PRKCH: variants seen among roughly 807,000 people sequenced by gnomAD.
PRKCH encodes the protein protein kinase C eta.
In PRKCH, 28 loss-of-function variants were observed where a neutral mutation model predicts 82.5. The ratio of observed to expected loss-of-function variants is 0.34; its 90% CI spans 0.25 to 0.47. The LOEUF is 0.47. Ranked by LOEUF, PRKCH falls within the 20% of genes least tolerant of loss-of-function variation. The probability of loss-of-function intolerance (pLI) is 1.00; values close to 1 mark genes in which losing one functional copy is unlikely to be tolerated. For synonymous variants in PRKCH, 322 were observed against 327.4 expected (o/e 0.98, Z 0.18); for missense variants, 705 against 881.8 (o/e 0.80, Z 2.54).
intron 10 of PRKCH, among the ~76,000 whole-genome samples, chr14:61,490,463 A>G (rs967253518): frequency 1.3e-5 from 2 of 152,240 alleles, no homozygotes; most frequent in African/African-American, 4.8e-5. Context: ...GATCACCAAC[A>G]TCATCTAGCT....
At chr14:61,239,544 T>C (rs1215966110) in intron 1 of PRKCH, among the ~76,000 whole-genome samples, 2 of 152,230 alleles carry the variant, frequency 1.3e-5, no homozygotes, top group Admixed American at 6.5e-5. Flanking sequence ...GCCAGCTCTC[T>C]TCCTGCTTCT....
chr14:61,280,739 G>A lies in PRKCH; in HGVS notation c.-19+93071G>A. On this transcript the variant is annotated intron_variant, in intron 1 of 3. Coordinates refer to the PRKCH transcript ENST00000555185. This position sits in a 1 kb window ranked among gnomAD's most constrained non-coding sequence, Gnocchi z 5.0. ...TTGACAGGGTGGCGCAGCGCGCTGG[G>A]GAGTCCGCTCAGCTGCGCGTCGTCG... The A allele has an allele frequency of 1.3e-6, 2 of 1,573,456 alleles. No homozygotes were observed. Among genetic ancestry groups the A allele is most frequent in the Middle Eastern group, 1.7e-4 (1 of 5,980 alleles).
chr14:61,195,938 T>G (rs2044438940), intron 1 of PRKCH, among the ~76,000 whole-genome samples: 1 of 152,154 alleles, frequency 6.6e-6, no homozygotes, highest in Non-Finnish European at 1.5e-5. Flanking sequence ...ATATAAATTT[T>G]GGGGGGCATG....
intron 9 of PRKCH, among the ~76,000 whole-genome samples, chr14:61,481,402 A>G (rs1045994432): frequency 6.6e-6 from 1 of 152,192 alleles, no homozygotes; most frequent in Non-Finnish European, 1.5e-5. Context: ...CAGAAAGGCC[A>G]TTATGGGACA....
At position 61,550,239 on chromosome 14, in the gene PRKCH, A is replaced by C. The variant is rs1346023052; in HGVS notation, c.*408A>C. On this transcript the variant is annotated 3_prime_UTR_variant, in exon 14 of 14. Coordinates refer to ENST00000332981, the MANE Select transcript of PRKCH (RefSeq NM_006255.5). ...TGCTGTGCTCTTCTTTAAGCCAATG[A>C]ACCCCAATTCCTGGCAGTCTACAAG... 1 of 158,612 alleles carries C rather than the reference A, an allele frequency of 6.3e-6. No homozygotes were observed. The highest frequency in any genetic ancestry group is 1.4e-5 in the Non-Finnish European group (1 of 72,460). The allele number at this position is 158,612 out of a possible 1,614,324, so 9.8% of individuals were successfully genotyped here. A position where few individuals can be genotyped will look rare whatever the true frequency, so the allele number is the denominator to read the frequency against.
Position 61,280,010 on chromosome 14 carries a change from G to T in PRKCH, c.-19+92342G>T. The T allele has an allele frequency of 2.4e-6, 3 of 1,228,550 alleles. No individual in the cohort carries two copies. Among genetic ancestry groups the T allele is most frequent in the South Asian group, 1.6e-5 (1 of 63,842 alleles). 76.1% of individuals were successfully genotyped at this position (1,228,550 alleles called of 1,614,324 possible). A position where few individuals can be genotyped will look rare whatever the true frequency, so the allele number is the denominator to read the frequency against. On this transcript the variant is annotated intron_variant, in intron 1 of 3. Coordinates refer to the PRKCH transcript ENST00000555185. This position sits in a 1 kb window ranked among gnomAD's most constrained non-coding sequence, Gnocchi z 5.0. Reference sequence around the variant, plus strand: ...GGAAAAGCTAGGCGAGGTTGGAATTGGGTGACGGGCGAGGAGGAGATGCCA... The same window carrying T: ...GGAAAAGCTAGGCGAGGTTGGAATTTGGTGACGGGCGAGGAGGAGATGCCA...
intron 2 of PRKCH, among the ~76,000 whole-genome samples, chr14:61,402,783 G>A (rs1389860290): frequency 1.3e-5 from 2 of 151,396 alleles, no homozygotes; most frequent in East Asian, 3.9e-4. Flanking sequence ...TGGTGACAGA[G>A]CGAAACTCTG....
intron 12 of PRKCH, among the ~76,000 whole-genome samples, chr14:61,530,977 T>G (rs543721509): frequency 1.3e-5 from 2 of 152,310 alleles, no homozygotes; most frequent in South Asian, 2.1e-4. Flanking sequence ...TCAATTGTGT[T>G]TCTGTTGGCA....
intron 9 of PRKCH, among the ~76,000 whole-genome samples, chr14:61,472,624 A>T (rs1357478533): frequency 2.6e-5 from 4 of 152,204 alleles, no homozygotes; most frequent in Non-Finnish European, 5.9e-5. Flanking sequence ...CGGGAGGTTG[A>T]GGCTGCATTA....
At chr14:61,368,445 G>C (rs562919954) in intron 1 of PRKCH, among the ~76,000 whole-genome samples, 2 of 152,160 alleles carry the variant, frequency 1.3e-5, no homozygotes, top group African/African-American at 4.8e-5. Flanking sequence ...CGGGTCTTCT[G>C]CCTAATACCT....
intron 1 of PRKCH, among the ~76,000 whole-genome samples, chr14:61,302,854 A>G (rs1254244037): frequency 6.6e-6 from 1 of 152,172 alleles, no homozygotes; most frequent in Admixed American, 6.5e-5. Flanking sequence ...TATTCTGCAG[A>G]TACTAGGTGA....
At chr14:61,313,466 A>C (rs180847551) in intron 1 of PRKCH, among the ~76,000 whole-genome samples, 1 of 152,306 alleles carries the variant, frequency 6.6e-6, no homozygotes, top group East Asian at 1.9e-4. Context: ...ATTTTAAACC[A>C]TTTTATTTTG....
At chr14:61,543,674 CCTTAA>C (rs1348718719) in intron 12 of PRKCH, 2 of 152,204 alleles carry the variant, frequency 1.3e-5, no homozygotes, top group African/African-American at 4.8e-5. Context: ...TTCAGTGTGA[CCTTAA>C]ATGTGGATGA....
chr14:61,267,077 T>C (rs1439855951), intron 1 of PRKCH, among the ~76,000 whole-genome samples: 1 of 152,192 alleles, frequency 6.6e-6, no homozygotes, highest in Non-Finnish European at 1.5e-5. Context: ...GAAAAGGACC[T>C]GGAGGCTATA....
chr14:61,358,118 G>A (rs1248536347), intron 1 of PRKCH, among the ~76,000 whole-genome samples: 1 of 152,128 alleles, frequency 6.6e-6, no homozygotes, highest in Non-Finnish European at 1.5e-5. Flanking sequence ...TTGAATTGGG[G>A]CTCTGATACT....
intron 1 of PRKCH, among the ~76,000 whole-genome samples, chr14:61,358,238 A>G: frequency 6.6e-6 from 1 of 152,186 alleles, no homozygotes; most frequent in African/African-American, 2.4e-5. Flanking sequence ...TATGAGGTAG[A>G]TTGTAATGCA....
chr14:61,199,742 C>G (rs1396797316), intron 1 of PRKCH, among the ~76,000 whole-genome samples: 3 of 152,156 alleles, frequency 2.0e-5, no homozygotes, highest in Non-Finnish European at 4.4e-5. Context: ...CGCTAGTTCC[C>G]CATGGAGCGC....
intron 1 of PRKCH, among the ~76,000 whole-genome samples, chr14:61,329,394 C>G (rs1236347448): frequency 6.6e-6 from 1 of 151,854 alleles, no homozygotes; most frequent in Non-Finnish European, 1.5e-5. Flanking sequence ...CACCACCACG[C>G]CTGGCTAATT....
At chr14:61,323,504 C>T (rs1030048947) in intron 1 of PRKCH, among the ~76,000 whole-genome samples, 1 of 152,116 alleles carries the variant, frequency 6.6e-6, no homozygotes, top group African/African-American at 2.4e-5. Flanking sequence ...CAGTTTTGAA[C>T]CCAATATCAG....
Sources: allele counts gnomAD v4.1 joint callset (sites outside exome capture counted in the v4.1 genomes callset), GRCh38; gene constraint gnomAD v4.1.1; non-coding constraint Gnocchi (gnomAD v3.1); transcripts MANE v1.5; gene names NCBI Gene and HGNC (gene_info 2026-07-23, HGNC 2026-07-21).